The following ACSM2B variants were observed in gnomAD, a reference collection of about 807,000 sequenced individuals.
ACSM2B encodes acyl-CoA synthetase medium chain family member 2B, also known as acyl-coenzyme A synthetase ACSM2B, mitochondrial.
In ACSM2B, 58 loss-of-function variants were observed where a neutral mutation model predicts 78.6. The ratio of observed to expected loss-of-function variants is 0.74; its 90% CI spans 0.60 to 0.92. ACSM2B has a LOEUF of 0.92. Among genes scored for constraint, ACSM2B ranks in the 40% least tolerant of loss-of-function variants. The pLI is 0.00. For missense variants in ACSM2B, 688 were observed against 711.2 expected, an observed-to-expected ratio of 0.97 and a Z score of 0.37; for synonymous variants, 257 against 256.8, an observed-to-expected ratio of 1.00 and a Z score of -0.01.
intron 13 of ACSM2B, among the ~76,000 whole-genome samples, chr16:20,539,704 T>A (rs1319397870): frequency 1.0e-3 from 158 of 150,644 alleles, no homozygotes; most frequent in African/African-American, 3.8e-3. Flanking sequence ...AATGGACACA[T>A]GGCCCAAGTT....
intron 2 of ACSM2B, among the ~76,000 whole-genome samples, chr16:20,563,530 G>A (rs1320606749): frequency 3.9e-5 from 6 of 151,992 alleles, no homozygotes; most frequent in Non-Finnish European, 5.9e-5. Flanking sequence ...GTGAGTCATG[G>A]TAGTAAGGGC....
chr16:20,542,548 C>G (rs1290365140), intron 12 of ACSM2B: 1 of 248,074 alleles, frequency 4.0e-6, no homozygotes, highest in Non-Finnish European at 7.8e-6. Flanking sequence ...GTGAATAGTG[C>G]TGCAATTAAC....
intron 1 of ACSM2B, among the ~76,000 whole-genome samples, chr16:20,569,709 A>G: frequency 6.6e-6 from 1 of 151,880 alleles, no homozygotes; most frequent in African/African-American, 2.4e-5. Flanking sequence ...CCATGAGCAT[A>G]GGATGTGTTC....
chr16:20,566,477 A>G (rs1198188805), intron 1 of ACSM2B, among the ~76,000 whole-genome samples: 7 of 121,434 alleles, frequency 5.8e-5, no homozygotes, highest in Non-Finnish European at 8.2e-5. Flanking sequence ...GTAATATTAT[A>G]TATTATATAA....
At position 20,543,224 on chromosome 16, in the gene ACSM2B, G is replaced by A; in HGVS notation, c.1320C>T (p.Asp440=). 1.9e-6 allele frequency: 3 copies of A among 1,613,852 alleles called. No homozygotes were observed. The highest frequency in any genetic ancestry group is 1.1e-5 in the South Asian group (1 of 91,076). The change falls in exon 11 of 14, where the codon GAC becomes GAT. Residue 440 remains aspartate (D), a synonymous_variant. Coordinates refer to ENST00000329697, the MANE Select transcript of ACSM2B (RefSeq NM_001105069.2). ...PDKTAANIRG[D]FWLLGDRGIK... Reference sequence around the variant, plus strand: ...TTCCCCGGTCTCCAAGGAGCCAAAAGTCTCCTCGAATGTTGGCTGCTGTCT... The same window carrying A: ...TTCCCCGGTCTCCAAGGAGCCAAAAATCTCCTCGAATGTTGGCTGCTGTCT...
In ACSM2B at chr16:20,568,033, T is replaced by A. The variant is rs140809032; in HGVS notation, c.-8-3180A>T. Among the ~76,000 whole-genome samples the A allele has an allele frequency of 4.9e-3, 709 of 143,784 alleles. 10 individuals carry two copies. The highest frequency in any genetic ancestry group is 0.033 in the South Asian group (154 of 4,736). 94.3% of individuals were successfully genotyped at this position (143,784 alleles called of 152,430 possible). Reference sequence around the variant, plus strand: ...TTTTACATAATATGTATTGCTACACTCCTGTGCCTTTCTTCCTTCCAAGCT... The same window carrying A: ...TTTTACATAATATGTATTGCTACACACCTGTGCCTTTCTTCCTTCCAAGCT... On this transcript the variant is annotated intron_variant, in intron 1 of 13. Coordinates refer to ENST00000329697, the MANE Select transcript of ACSM2B (RefSeq NM_001105069.2).
intron 1 of ACSM2B, among the ~76,000 whole-genome samples, chr16:20,565,468 A>T (rs2015797363): frequency 6.6e-6 from 1 of 152,190 alleles, no homozygotes; most frequent in Non-Finnish European, 1.5e-5. Flanking sequence ...GCCACTAGCA[A>T]CACACAGACC....
At chr16:20,568,802 A>G (rs1195228306) in intron 1 of ACSM2B, among the ~76,000 whole-genome samples, 1 of 151,666 alleles carries the variant, frequency 6.6e-6, no homozygotes, top group Non-Finnish European at 1.5e-5. Flanking sequence ...TTTGATTTGC[A>G]TTTCCCTGAT....
At chr16:20,560,530 T>G (rs2015620294) in intron 2 of ACSM2B, among the ~76,000 whole-genome samples, 1 of 152,072 alleles carries the variant, frequency 6.6e-6, no homozygotes, top group African/African-American at 2.4e-5. Flanking sequence ...CAGAAGCAGA[T>G]GCCAGCACAC....
intron 1 of ACSM2B, chr16:20,574,045 C>T (rs1180383383): frequency 3.3e-5 from 5 of 152,090 alleles, no homozygotes; most frequent in South Asian, 4.1e-4. Flanking sequence ...GACACCAGGG[C>T]GTATTTCAAT....
intron 2 of ACSM2B, among the ~76,000 whole-genome samples, chr16:20,561,952 G>C (rs1470871885): frequency 3.4e-5 from 1 of 29,048 alleles, no homozygotes; most frequent in Non-Finnish European, 7.5e-5. Context: ...CTATGAGTGA[G>C]AACATGCAGT....
chr16:20,543,077 T>G, intron 11 of ACSM2B, 58 bp downstream of exon 11: 2 of 1,613,184 alleles, frequency 1.2e-6, no homozygotes, highest in Non-Finnish European at 1.7e-6. Context: ...TCCGGAAGTC[T>G]GGAACCAGCC....
intron 1 of ACSM2B, among the ~76,000 whole-genome samples, chr16:20,566,664 A>T (rs2015865913): frequency 2.3e-5 from 1 of 43,408 alleles, no homozygotes; most frequent in African/African-American, 1.8e-4. Context: ...ATATATGTAT[A>T]TATAGTATAT....
chr16:20,563,950 ACT>A (rs1217356819), intron 2 of ACSM2B, among the ~76,000 whole-genome samples: 1 of 150,680 alleles, frequency 6.6e-6, no homozygotes, highest in East Asian at 2.0e-4. Context: ...TGGGAAGGAA[ACT>A]CAGAAATTTC....
intron 6 of ACSM2B, 112 bp from the exon 7 acceptor site, chr16:20,548,585 C>A: frequency 1.3e-6 from 2 of 1,577,948 alleles, no homozygotes; most frequent in South Asian, 2.3e-5. Context: ...TGGATGAAAA[C>A]CCTAGCTTGT....
At chr16:20,563,580 G>T (rs576315720) in intron 2 of ACSM2B, among the ~76,000 whole-genome samples, 1 of 151,024 alleles carries the variant, frequency 6.6e-6, no homozygotes, top group East Asian at 1.9e-4. Context: ...ATATTTAAAG[G>T]AAGTATAACT....
Position 20,546,442 on chromosome 16 carries a change from T to C in ACSM2B, c.1131A>G (p.Lys377=). Residue 377 remains lysine (K), a synonymous_variant, in exon 9 of 14, where the codon AAA becomes AAG. Coordinates refer to ENST00000329697, the MANE Select transcript of ACSM2B (RefSeq NM_001105069.2). The stretch of plus-strand genomic sequence containing the variant: ...CCGTTCCCATGTATCCTGGTTTGAT[T>C]TTCATTGTCTTGGAAACCATGCAAG... The part of the protein sequence containing the change: ...GLTCMVSKTM[K]IKPGYMGTAA... The C allele has an allele frequency of 1.9e-6, 3 of 1,609,666 alleles. No homozygotes were observed. The highest frequency in any genetic ancestry group is 8.5e-7 in the Non-Finnish European group (1 of 1,176,924).
intron 1 of ACSM2B, among the ~76,000 whole-genome samples, chr16:20,568,688 G>A (rs1459436107): frequency 6.6e-6 from 1 of 151,668 alleles, no homozygotes; most frequent in Non-Finnish European, 1.5e-5. Flanking sequence ...CACCGGCAGT[G>A]TAGAAGTGTT....
At chr16:20,542,582 A>C in intron 12 of ACSM2B, 1 of 310,692 alleles carries the variant, frequency 3.2e-6, no homozygotes, top group Non-Finnish European at 6.0e-6. Context: ...CATCTTTTTG[A>C]TATGCTGATT....
Sources: gnomAD v4.1 joint callset for allele counts (sites outside exome capture counted in the v4.1 genomes callset) on GRCh38, gnomAD v4.1.1 for gene constraint, MANE v1.5 for transcripts, NCBI Gene and HGNC (gene_info 2026-07-23, HGNC 2026-07-21) for gene names.